STAM: variants seen among roughly 807,000 people sequenced by gnomAD.
STAM encodes signal transducing adapter molecule 1.
A neutral mutation model predicts 63.4 loss-of-function variants in STAM; 16 were observed. That is an observed-to-expected ratio of 0.25 (90% confidence interval 0.17 to 0.38). The LOEUF is 0.38. STAM is among the 10% of genes least tolerant of loss of function. The probability of loss-of-function intolerance (pLI) is 1.00; values close to 1 mark genes in which losing one functional copy is unlikely to be tolerated. For synonymous variants in STAM, 238 were observed against 223.9 expected, an observed-to-expected ratio of 1.06 and a Z score of -0.56; for missense variants, 636 against 657.1, an observed-to-expected ratio of 0.97 and a Z score of 0.35.
chr10:17,647,771 G>A (rs1177506804), intron 1 of STAM, among the ~76,000 whole-genome samples: 1 of 152,102 alleles, frequency 6.6e-6, no homozygotes, highest in African/African-American at 2.4e-5. Flanking sequence ...TTTTTATTAA[G>A]TAAGATTTTA....
intron 2 of STAM, among the ~76,000 whole-genome samples, chr10:17,678,277 CAG>C (rs1274194646): frequency 8.0e-6 from 1 of 124,822 alleles, no homozygotes; most frequent in East Asian, 2.1e-4. Flanking sequence ...TTTTGGAAGA[CAG>C]AGTCTCGCTG....
intron 2 of STAM, among the ~76,000 whole-genome samples, chr10:17,663,345 T>C (rs1317390315): frequency 1.3e-5 from 2 of 152,174 alleles, no homozygotes; most frequent in African/African-American, 4.8e-5. Flanking sequence ...TGCTCATTTT[T>C]TTTAGTTTTT....
Position 17,644,241 on chromosome 10 carries a change from G to A in STAM, c.-99G>A, listed in dbSNP as rs1041202133. Reference sequence around the variant, plus strand: ...CGCGGACCCTGTAGAGTCGGTCTCTGTTGCTCTTTTTGCCTGAGGAGTCTT... The same window carrying A: ...CGCGGACCCTGTAGAGTCGGTCTCTATTGCTCTTTTTGCCTGAGGAGTCTT... On this transcript the variant is annotated 5_prime_UTR_variant, in exon 1 of 14. Coordinates refer to ENST00000377524, the MANE Select transcript of STAM (RefSeq NM_003473.4). 7 of 1,332,792 alleles carry A rather than the reference G, an allele frequency of 5.3e-6. No individual in the cohort carries two copies. In the African/African-American group the frequency reaches 5.8e-5, roughly 11 times the overall value. The allele number at this position is 1,332,792 out of a possible 1,614,324, so 82.6% of individuals were successfully genotyped here. A position where few individuals can be genotyped will look rare whatever the true frequency, so the allele number is the denominator to read the frequency against.
At chr10:17,648,727 C>G (rs957301104) in intron 1 of STAM, among the ~76,000 whole-genome samples, 2 of 152,218 alleles carry the variant, frequency 1.3e-5, no homozygotes, top group Admixed American at 1.3e-4. Context: ...TTTGTTACCA[C>G]TCTTGCCTCT....
rs575731025 is a variant in STAM, at chr10:17,676,435, A to G, written c.126-8240A>G. Among the ~76,000 whole-genome samples, 47 of 152,306 alleles carry G rather than the reference A, an allele frequency of 3.1e-4. No individual in the cohort carries two copies. The East Asian group carries it at 7.1e-3, about 23-fold the overall frequency. ...TGATGCTTTCAGTTCATCAGCTGAC[A>G]TATGTAGGCAGTTATGTACATTCCT... On this transcript the variant is annotated intron_variant, in intron 2 of 13. Transcript: ENST00000377524.
At chr10:17,671,752 T>G (rs1326768996) in intron 2 of STAM, among the ~76,000 whole-genome samples, 3 of 152,182 alleles carry the variant, frequency 2.0e-5, no homozygotes, top group Admixed American at 2.0e-4. Context: ...TATTGATAAT[T>G]TTTGTTTTGA....
At position 17,705,614 on chromosome 10, in the gene STAM, A is replaced by T; in HGVS notation, c.1082A>T (p.Asn361Ile). The part of the protein sequence containing the change: ...DRKHSELSEL[N>I]VKVMEALSLY... ...AAACATTCAGAACTCTCAGAACTTAATGTGAAAGTGATGGAGGCCCTTTCC... is the reference window on the plus strand; with the variant it reads ...AAACATTCAGAACTCTCAGAACTTATTGTGAAAGTGATGGAGGCCCTTTCC... Residue 361 changes from asparagine to isoleucine, a missense_variant, in exon 12 of 14, where the codon AAT becomes ATT. By Grantham distance (149) the Asn-to-Ile change is moderately radical. Transcript: ENST00000377524. The T allele has an allele frequency of 6.2e-7, 1 of 1,613,302 alleles. No individual in the cohort carries two copies. Among genetic ancestry groups the T allele is most frequent in the Non-Finnish European group, 8.5e-7 (1 of 1,179,812 alleles).
chr10:17,708,777 T>C lies in STAM; in HGVS notation c.1211T>C (p.Val404Ala). 1 of 1,609,160 alleles carries C rather than the reference T, an allele frequency of 6.2e-7. No individual in the cohort carries two copies. The highest frequency in any genetic ancestry group is 8.5e-7 in the Non-Finnish European group (1 of 1,176,672). Residue 404 changes from valine (V) to alanine (A), a missense_variant and splice_region_variant, in exon 13 of 14, where the codon GTG becomes GCG. Val to Ala is a moderately conservative substitution (Grantham distance 64). Coordinates refer to ENST00000377524, the MANE Select transcript of STAM (RefSeq NM_003473.4). Reference sequence around the variant, plus strand: ...ATGATTTCTCTTTAACCATCGCAGGTGTATGCAGGGCCTCCTCCAAGTGGT... The same window carrying C: ...ATGATTTCTCTTTAACCATCGCAGGCGTATGCAGGGCCTCCTCCAAGTGGT... ...MQSSGVSGSQ[V>A]YAGPPPSGAY... is the part of the protein sequence containing the mutation.
At position 17,644,273 on chromosome 10, in the gene STAM, T is replaced by C; in HGVS notation, c.-67T>C. On this transcript the variant is annotated 5_prime_UTR_variant, in exon 1 of 14. Coordinates refer to ENST00000377524, the MANE Select transcript of STAM (RefSeq NM_003473.4). ...TTTTTGCCTGAGGAGTCTTCCATCC[T>C]ACGTCGAGCTCTGACTCCCGTGCTG... 6.4e-7 allele frequency: 1 copy of C among 1,566,552 alleles called. No individual in the cohort carries two copies. The highest frequency in any genetic ancestry group is 8.8e-7 in the Non-Finnish European group (1 of 1,137,700).
At chr10:17,693,194 CA>C in intron 5 of STAM, 27 bp from the exon 6 acceptor site, 1 of 1,604,604 alleles carries the variant, frequency 6.2e-7, no homozygotes, top group Non-Finnish European at 8.5e-7. Context: ...TAACAACCCT[CA>C]AATACTGTGT....
At chr10:17,697,296 T>C (rs919140455) in intron 8 of STAM, among the ~76,000 whole-genome samples, 2 of 152,212 alleles carry the variant, frequency 1.3e-5, no homozygotes, top group African/African-American at 4.8e-5. Flanking sequence ...TAAGAAGTCT[T>C]ACAGAATTTA....
chr10:17,704,475 C>T lies in STAM; in HGVS notation c.957C>T (p.Pro319=), dbSNP rs372010645. 6 of 1,613,982 alleles carry T rather than the reference C, an allele frequency of 3.7e-6. No individual in the cohort carries two copies. In the Middle Eastern group the frequency reaches 6.6e-4, roughly 177 times the overall value. ...QLLQMLQSTD[P]SDDQPDLPEL... is the part of the protein sequence containing the mutation. The stretch of plus-strand genomic sequence containing the variant: ...TACAGATGCTGCAAAGTACAGACCC[C>T]AGTGATGATCAGCCAGACCTACCAG... The change falls in exon 10 of 14, where the codon CCC becomes CCT. Residue 319 remains proline, a synonymous_variant. Coordinates refer to ENST00000377524, the MANE Select transcript of STAM (RefSeq NM_003473.4).
At chr10:17,693,651 A>G (rs1219638463) in intron 6 of STAM, among the ~76,000 whole-genome samples, 1 of 152,186 alleles carries the variant, frequency 6.6e-6, no homozygotes, top group Non-Finnish European at 1.5e-5. Flanking sequence ...TATTCGTGTG[A>G]TATATCCATT....
intron 2 of STAM, among the ~76,000 whole-genome samples, chr10:17,661,049 C>G (rs898915665): frequency 6.6e-6 from 1 of 152,072 alleles, no homozygotes. Flanking sequence ...TGCAACATTC[C>G]ACCTAATGAA....
At chr10:17,659,751 T>C (rs1458475833) in intron 1 of STAM, among the ~76,000 whole-genome samples, 1 of 152,044 alleles carries the variant, frequency 6.6e-6, no homozygotes, top group Non-Finnish European at 1.5e-5. Context: ...GCATGAGCCA[T>C]CCTGCCTAGC....
intron 2 of STAM, among the ~76,000 whole-genome samples, chr10:17,663,607 G>T (rs1275039488): frequency 2.7e-5 from 4 of 150,806 alleles, no homozygotes; most frequent in Non-Finnish European, 5.9e-5. Flanking sequence ...TCCTTTAATA[G>T]TTATTGCTCT....
chr10:17,644,221 A>T lies in STAM; in HGVS notation c.-119A>T. 1 of 1,097,680 alleles carries T rather than the reference A, an allele frequency of 9.1e-7. No individual in the cohort carries two copies. The highest frequency in any genetic ancestry group is 1.4e-6 in the Non-Finnish European group (1 of 732,954). 68.0% of individuals were successfully genotyped at this position (1,097,680 alleles called of 1,614,324 possible). On this transcript the variant is annotated 5_prime_UTR_variant, in exon 1 of 14. Transcript: ENST00000377524. ...TGGGTGAGAGGAGGAGCTGTCGCGG[A>T]CCCTGTAGAGTCGGTCTCTGTTGCT...
chr10:17,683,432 A>G (rs723790), intron 2 of STAM, among the ~76,000 whole-genome samples: 19,409 of 152,056 alleles, frequency 0.13, 1,322 homozygotes, highest in Middle Eastern at 0.26. Context: ...AAAATGCTGG[A>G]ATTATAGGTG....
Position 17,714,835 on chromosome 10 carries a change from T to C in STAM, c.*55T>C, listed in dbSNP as rs956830750. ...CTGCTAAATGCCACTGACAATGTTA[T>C]GAGATTCATTACTATCTTAAGATGT... On this transcript the variant is annotated 3_prime_UTR_variant, in exon 14 of 14. Transcript: ENST00000377524. 9 of 1,452,148 alleles carry C rather than the reference T, an allele frequency of 6.2e-6. No homozygotes were observed. The highest frequency in any genetic ancestry group is 7.7e-6 in the Non-Finnish European group (8 of 1,033,040). The allele number at this position is 1,452,148 out of a possible 1,614,324, so 90.0% of individuals were successfully genotyped here.
Sources: allele counts gnomAD v4.1 joint callset (sites outside exome capture counted in the v4.1 genomes callset), GRCh38; gene constraint gnomAD v4.1.1; transcripts MANE v1.5; gene names NCBI Gene and HGNC (gene_info 2026-07-23, HGNC 2026-07-21).